The following CLIC5 variants were observed in gnomAD, a reference collection of about 807,000 sequenced individuals.
CLIC5 encodes the protein CLIC family member 5.
CLIC5 carries 20 observed loss-of-function variants against 24.7 expected under a neutral mutation model. The ratio of observed to expected loss-of-function variants is 0.81; its 90% CI spans 0.57 to 1.18. CLIC5 has a LOEUF of 1.18. Ranked by LOEUF, CLIC5 falls within the 50% of genes most tolerant of loss-of-function variation. CLIC5 has a pLI of 0.00. For synonymous variants in CLIC5, 159 were observed against 135.6 expected (o/e 1.17, Z -1.20); for missense variants, 341 against 326.1 (o/e 1.05, Z -0.35).
chr6:45,897,451 A>G (rs572789908), downstream of CLIC5, among the ~76,000 whole-genome samples: 2 of 151,702 alleles, frequency 1.3e-5, no homozygotes, highest in East Asian at 3.9e-4. Context: ...GGGAGGAGGG[A>G]GGTGGTGGAC....
chr6:46,124,739 A>G, the CLIC5 span, among the ~76,000 whole-genome samples: 1 of 152,208 alleles, frequency 6.6e-6, no homozygotes, highest in Non-Finnish European at 1.5e-5. Context: ...AGAAAAAAAC[A>G]AACAACCCCA....
intron 1 of CLIC5, among the ~76,000 whole-genome samples, chr6:45,962,545 G>A (rs1764886228): frequency 6.6e-6 from 1 of 150,568 alleles, no homozygotes; most frequent in Non-Finnish European, 1.5e-5. Context: ...GTCAATATCT[G>A]GGCACTATGG....
intron 4 of CLIC5, among the ~76,000 whole-genome samples, chr6:45,922,918 GTTCT>G (rs1763331642): frequency 6.6e-6 from 1 of 151,822 alleles, no homozygotes; most frequent in Non-Finnish European, 1.5e-5. Context: ...CAGGGGAGAA[GTTCT>G]GGTTAGGGAA....
chr6:46,114,952 A>G, the CLIC5 span, among the ~76,000 whole-genome samples: 3 of 152,202 alleles, frequency 2.0e-5, no homozygotes, highest in African/African-American at 7.2e-5. Context: ...TCCAGGGATG[A>G]TAACAAGACA....
chr6:45,884,188 T>A (rs1163649891), intron 6 of CLIC5, among the ~76,000 whole-genome samples: 1 of 152,158 alleles, frequency 6.6e-6, no homozygotes, highest in Non-Finnish European at 1.5e-5. Flanking sequence ...GTTTGCTGCC[T>A]CACACTGAGA....
chr6:45,909,699 C>A (rs1181075273), intron 5 of CLIC5, among the ~76,000 whole-genome samples: 1 of 152,142 alleles, frequency 6.6e-6, no homozygotes, highest in Non-Finnish European at 1.5e-5. Context: ...TCTCTAGCTG[C>A]CTTTAAGACT....
chr6:46,016,127 G>A (rs1020009468), upstream of CLIC5, among the ~76,000 whole-genome samples: 1 of 136,050 alleles, frequency 7.4e-6, no homozygotes, highest in Non-Finnish European at 1.6e-5. Flanking sequence ...GAAAGGGGAA[G>A]GGGAAGAGGA....
intron 1 of CLIC5, among the ~76,000 whole-genome samples, chr6:46,023,498 G>A (rs1767242741): frequency 6.6e-6 from 1 of 152,192 alleles, no homozygotes; most frequent in Non-Finnish European, 1.5e-5. Context: ...TACTGAATTG[G>A]TGGGATAAGT....
At chr6:45,986,129 A>T (rs1163781530) in intron 1 of CLIC5, among the ~76,000 whole-genome samples, 1 of 152,024 alleles carries the variant, frequency 6.6e-6, no homozygotes, top group Non-Finnish European at 1.5e-5. Flanking sequence ...AGTCAATTAA[A>T]CCTCTTTCCT....
the CLIC5 span, among the ~76,000 whole-genome samples, chr6:46,100,159 T>A: frequency 6.6e-6 from 1 of 152,286 alleles, no homozygotes; most frequent in Non-Finnish European, 1.5e-5. Flanking sequence ...CCAGTTTGGC[T>A]CCAGCCATTC....
At chr6:45,917,077 C>T (rs564052661) in intron 4 of CLIC5, among the ~76,000 whole-genome samples, 10 of 152,278 alleles carry the variant, frequency 6.6e-5, no homozygotes, top group South Asian at 2.1e-4. Context: ...CCCTTCCAAG[C>T]GCTTGGATCT....
chr6:45,998,752 C>G (rs1369574461), intron 1 of CLIC5, among the ~76,000 whole-genome samples: 1 of 152,146 alleles, frequency 6.6e-6, no homozygotes, highest in Non-Finnish European at 1.5e-5. Flanking sequence ...TAACCATTTA[C>G]AGCAAAGGCC....
rs1416165 is a variant in CLIC5 at position 46,080,263 on chromosome 6, T to C, written c.-21A>G. Reference sequence around the variant, plus strand: ...TTCATGCTTATTGATCCGAGAGATCTGTTTACAGGGAGACCTGAGTAGATC... The same window carrying C: ...TTCATGCTTATTGATCCGAGAGATCCGTTTACAGGGAGACCTGAGTAGATC... On this transcript the variant is annotated 5_prime_UTR_variant, in exon 1 of 6. Transcript: ENST00000185206. The C allele has an allele frequency of 0.17, 266,191 of 1,540,692 alleles. 25,496 individuals are homozygous for C. Among genetic ancestry groups the C allele is most frequent in the South Asian group, 0.34 (27,521 of 82,088 alleles).
chr6:46,029,905 T>G (rs1392910028), intron 1 of CLIC5, among the ~76,000 whole-genome samples: 2 of 152,044 alleles, frequency 1.3e-5, no homozygotes, highest in Non-Finnish European at 2.9e-5. Flanking sequence ...GCTTCAAGAG[T>G]CCAGACCAGA....
chr6:46,043,589 A>AGTTGTT (rs1338739364), intron 1 of CLIC5, among the ~76,000 whole-genome samples: 1 of 152,206 alleles, frequency 6.6e-6, no homozygotes, highest in Non-Finnish European at 1.5e-5. Flanking sequence ...AGGTGGAGAA[A>AGTTGTT]GTTGTTTCAA....
At chr6:45,910,607 G>A (rs1356904499) in intron 5 of CLIC5, among the ~76,000 whole-genome samples, 1 of 152,174 alleles carries the variant, frequency 6.6e-6, no homozygotes, top group Non-Finnish European at 1.5e-5. Context: ...ATAATCCACA[G>A]TTCTTTCTAC....
At chr6:46,127,859 C>T in the CLIC5 span, among the ~76,000 whole-genome samples, 1 of 152,182 alleles carries the variant, frequency 6.6e-6, no homozygotes, top group Non-Finnish European at 1.5e-5. Context: ...ATCTAGACGT[C>T]ATTTCTATCA....
At chr6:46,032,670 C>T (rs1358889944) in intron 1 of CLIC5, among the ~76,000 whole-genome samples, 1 of 152,190 alleles carries the variant, frequency 6.6e-6, no homozygotes, top group African/African-American at 2.4e-5. Context: ...AGACTCATCC[C>T]TGGATTCAGA....
chr6:45,979,903 T>C (rs997165764), intron 1 of CLIC5, among the ~76,000 whole-genome samples: 1 of 151,790 alleles, frequency 6.6e-6, no homozygotes, highest in Non-Finnish European at 1.5e-5. Context: ...CCAGGTTCCA[T>C]TTATCAATTT....
Sources: gnomAD v4.1 joint callset for allele counts (sites outside exome capture counted in the v4.1 genomes callset) on GRCh38, gnomAD v4.1.1 for gene constraint, MANE v1.5 for transcripts, NCBI Gene and HGNC (gene_info 2026-07-23, HGNC 2026-07-21) for gene names.